Variants in MID1 observed in about 807,000 individuals in gnomAD.
MID1 encodes midline 1.
Under a neutral mutation model 40.4 loss-of-function variants are expected in MID1, and 7 were observed. The observed-to-expected ratio is 0.17, with a 90% CI of 0.10 to 0.33. The LOEUF is 0.33. Ranked by LOEUF, MID1 falls within the 10% of genes least tolerant of loss-of-function variation. The probability of loss-of-function intolerance (pLI) is 1.00; values close to 1 mark genes in which losing one functional copy is unlikely to be tolerated. For missense variants in MID1, 367 were observed against 558.5 expected, an observed-to-expected ratio of 0.66 and a Z score of 3.46; for synonymous variants, 229 against 221.2, an observed-to-expected ratio of 1.04 and a Z score of -0.31.
At chrX:10,644,905 C>T (rs984245868) in intron 1 of MID1, among the ~76,000 whole-genome samples, 12 of 112,247 alleles carry the variant, frequency 1.1e-4, no homozygotes, top group Admixed American at 2.8e-4. Flanking sequence ...TCCACTGGGA[C>T]TTTTATTGAT....
intron 3 of MID1, among the ~76,000 whole-genome samples, chrX:10,496,112 C>T (rs1931238705): frequency 8.9e-6 from 1 of 112,232 alleles, no homozygotes; most frequent in East Asian, 2.8e-4. Context: ...GGACAGATTA[C>T]TATCAATCTC....
intron 1 of MID1, among the ~76,000 whole-genome samples, chrX:10,721,644 G>C (rs1349257524): frequency 9.1e-6 from 1 of 109,466 alleles, no homozygotes; most frequent in Admixed American, 9.8e-5. Context: ...AGGATTGTGG[G>C]GGCAAAAAAC....
At chrX:10,818,437 T>C in intron 1 of MID1, among the ~76,000 whole-genome samples, 1 of 112,935 alleles carries the variant, frequency 8.9e-6, no homozygotes, top group Middle Eastern at 4.6e-3. Flanking sequence ...AGTAAATGTC[T>C]ACCTTCAACT....
In MID1 at chrX:10,523,198, A is replaced by T; in HGVS notation, c.661-11T>A. On this transcript the variant is annotated splice_polypyrimidine_tract_variant and intron_variant, in intron 2 of 9. Transcript: ENST00000317552. ...ACTCTCTAAGTTTTGCTGTTCAAAA[A>T]AAAAAAAAAAAGAGGAAAAATATTA... 9.1e-7 allele frequency: 1 copy of T among 1,094,287 alleles called. No individual in the cohort carries two copies. Among genetic ancestry groups the T allele is most frequent in the South Asian group, 1.9e-5 (1 of 52,013 alleles). 90.2% of individuals were successfully genotyped at this position (1,094,287 alleles called of 1,213,427 possible).
chrX:10,731,556 T>C (rs2085018903), intron 1 of MID1, among the ~76,000 whole-genome samples: 1 of 111,949 alleles, frequency 8.9e-6, no homozygotes, highest in African/African-American at 3.2e-5. Flanking sequence ...TTGTGAGATG[T>C]AGCTTAAAGC....
At chrX:10,495,552 G>A in intron 4 of MID1, 32 bp downstream of exon 4, 2 of 1,043,173 alleles carry the variant, frequency 1.9e-6, no homozygotes, top group Non-Finnish European at 2.7e-6. Context: ...TCCAGGTAGA[G>A]AATATGAAAT....
chrX:10,500,209 C>G (rs1043671161), intron 3 of MID1, among the ~76,000 whole-genome samples: 27 of 111,945 alleles, frequency 2.4e-4, no homozygotes, highest in African/African-American at 8.8e-4. Context: ...CAAATTTTGA[C>G]TATTTGATTT....
chrX:10,571,202 G>C (rs749597219), intron 1 of MID1, among the ~76,000 whole-genome samples: 17 of 112,298 alleles, frequency 1.5e-4, no homozygotes, highest in Non-Finnish European at 3.2e-4. Context: ...ATTGTATTAG[G>C]TGAAGACACA....
chrX:10,503,625 A>G (rs1931669409), intron 3 of MID1, among the ~76,000 whole-genome samples: 1 of 112,834 alleles, frequency 8.9e-6, no homozygotes, highest in Non-Finnish European at 1.9e-5. Context: ...TGATACAACT[A>G]GAAGCTACAT....
intron 1 of MID1, among the ~76,000 whole-genome samples, chrX:10,638,753 C>A (rs1026308362): frequency 8.9e-6 from 1 of 112,148 alleles, no homozygotes; most frequent in Admixed American, 9.4e-5. Context: ...GGAGACACAT[C>A]CCAGTAAGGG....
intron 1 of MID1, among the ~76,000 whole-genome samples, chrX:10,626,360 G>A (rs1285240770): frequency 9.5e-6 from 1 of 105,741 alleles, no homozygotes; most frequent in Non-Finnish European, 1.9e-5. Flanking sequence ...ACTAGGTCTC[G>A]CTGTGTTGCC....
chrX:10,631,524 A>G (rs181979083), intron 1 of MID1, among the ~76,000 whole-genome samples: 55 of 111,914 alleles, frequency 4.9e-4, no homozygotes, highest in African/African-American at 1.7e-3. Flanking sequence ...AACTATGAGG[A>G]GAACACAGCA....
chrX:10,459,181 G>C (rs752578349), intron 8 of MID1, among the ~76,000 whole-genome samples: 1 of 111,305 alleles, frequency 9.0e-6, no homozygotes, highest in Non-Finnish European at 1.9e-5. Context: ...CTGGTAGGGT[G>C]GGGTGGAGGG....
At chrX:10,769,097 A>G (rs751700111) in intron 1 of MID1, among the ~76,000 whole-genome samples, 2 of 111,846 alleles carry the variant, frequency 1.8e-5, no homozygotes, top group African/African-American at 6.5e-5. Context: ...CATGACATGC[A>G]ATTGTTAAAA....
At chrX:10,832,059 T>C (rs1252945583) in intron 1 of MID1, among the ~76,000 whole-genome samples, 2 of 112,722 alleles carry the variant, frequency 1.8e-5, no homozygotes, top group African/African-American at 6.4e-5. Context: ...CATATTTTTC[T>C]GAGCAGCACT....
At chrX:10,629,084 C>T (rs762216398) in intron 1 of MID1, among the ~76,000 whole-genome samples, 21 of 111,958 alleles carry the variant, frequency 1.9e-4, no homozygotes, top group African/African-American at 6.8e-4. Context: ...TGGAATTTAC[C>T]ACTTAGATGG....
chrX:10,598,176 T>C (rs1184315820), intron 1 of MID1, among the ~76,000 whole-genome samples: 1 of 111,820 alleles, frequency 8.9e-6, no homozygotes, highest in East Asian at 2.8e-4. Context: ...CAGGAGATGG[T>C]GAAGGAAAGA....
intron 1 of MID1, among the ~76,000 whole-genome samples, chrX:10,769,943 G>A (rs1397491402): frequency 9.0e-6 from 1 of 111,629 alleles, no homozygotes; most frequent in Non-Finnish European, 1.9e-5. Flanking sequence ...TGACTGTCCT[G>A]CCATTTCCCT....
At chrX:10,662,037 G>T (rs2042917295) in intron 1 of MID1, among the ~76,000 whole-genome samples, 1 of 111,903 alleles carries the variant, frequency 8.9e-6, no homozygotes, top group African/African-American at 3.3e-5. Flanking sequence ...CGGTGTGGTG[G>T]CTCACGCCTG....
Sources: allele counts gnomAD v4.1 joint callset (sites outside exome capture counted in the v4.1 genomes callset), GRCh38; gene constraint gnomAD v4.1.1; transcripts MANE v1.5; gene names NCBI Gene and HGNC (gene_info 2026-07-23, HGNC 2026-07-21).